The following RNF157 variants were observed in gnomAD, a reference collection of about 807,000 sequenced individuals.
The protein encoded by RNF157 is E3 ubiquitin ligase RNF157.
In RNF157, 55 loss-of-function variants were observed where a neutral mutation model predicts 88.3. The ratio of observed to expected loss-of-function variants is 0.62; its 90% CI spans 0.50 to 0.78. RNF157 has a LOEUF of 0.78. RNF157 is among the 30% of genes least tolerant of loss of function. The pLI, the probability that RNF157 is intolerant of heterozygous loss-of-function variation, is 0.00. For synonymous variants in RNF157, 334 were observed against 341.2 expected, an observed-to-expected ratio of 0.98 and a Z score of 0.23; for missense variants, 788 against 860.8, an observed-to-expected ratio of 0.92 and a Z score of 1.06.
chr17:76,216,964 A>G (rs1474041348), intron 1 of RNF157, among the ~76,000 whole-genome samples: 1 of 152,206 alleles, frequency 6.6e-6, no homozygotes, highest in Non-Finnish European at 1.5e-5. Flanking sequence ...TAAGCTGTAT[A>G]CTTATAACTG....
chr17:76,235,496 C>T (rs1295131521), intron 1 of RNF157, among the ~76,000 whole-genome samples: 1 of 152,166 alleles, frequency 6.6e-6, no homozygotes, highest in East Asian at 1.9e-4. Flanking sequence ...CTGCGCCCAG[C>T]CGTAAATTGC....
intron 2 of RNF157, among the ~76,000 whole-genome samples, chr17:76,196,623 G>A (rs1293724166): frequency 2.0e-5 from 3 of 152,174 alleles, no homozygotes; most frequent in African/African-American, 2.4e-5. Context: ...GTACGGGAGT[G>A]TAGTCATGTG....
intron 4 of RNF157, among the ~76,000 whole-genome samples, chr17:76,167,446 T>C (rs993348722): frequency 2.6e-5 from 4 of 152,204 alleles, no homozygotes; most frequent in African/African-American, 9.6e-5. Context: ...GAAGAAAGTC[T>C]AAATTCAGGA....
At chr17:76,147,321 G>C (rs1015647330) in intron 18 of RNF157, 49 of 986,024 alleles carry the variant, frequency 5.0e-5, no homozygotes, top group Non-Finnish European at 5.5e-5. Flanking sequence ...TGTTCAGTAG[G>C]AAAGACCAAA....
rs774447918 is a variant in RNF157, at chr17:76,167,816, A to T, written c.297-19T>A. 1 of 1,606,710 alleles carries T rather than the reference A, an allele frequency of 6.2e-7. No individual in the cohort carries two copies. The highest frequency in any genetic ancestry group is 8.5e-7 in the Non-Finnish European group (1 of 1,176,828). ...AGCACATCTAGAAAACCAGAGACTCAGCATTTGCAGAGTAGCATATCAATA... is the reference window on the plus strand; with the variant it reads ...AGCACATCTAGAAAACCAGAGACTCTGCATTTGCAGAGTAGCATATCAATA... On this transcript the variant is annotated intron_variant, in intron 3 of 18. Coordinates refer to ENST00000269391, the MANE Select transcript of RNF157 (RefSeq NM_052916.3).
At chr17:76,159,647 T>A in intron 11 of RNF157, 74 bp from the exon 12 acceptor site, 1 of 1,068,946 alleles carries the variant, frequency 9.4e-7, no homozygotes, top group Non-Finnish European at 1.4e-6. Flanking sequence ...GCTACTTCTC[T>A]ACACTGAAAA....
Position 76,154,387 on chromosome 17 carries a change from G to A in RNF157, c.1765-59C>T, listed in dbSNP as rs2068729338. On this transcript the variant is annotated intron_variant, in intron 16 of 18. Coordinates refer to ENST00000269391, the MANE Select transcript of RNF157 (RefSeq NM_052916.3). ...AGCGGCAAAATGAGTAAACTGATTG[G>A]CTGAAGACAGAACTAATCATCCTAC... The A allele has an allele frequency of 2.7e-6, 3 of 1,107,286 alleles. No individual in the cohort carries two copies. In the Admixed American group the frequency reaches 5.1e-5, roughly 19 times the overall value. The allele number at this position is 1,107,286 out of a possible 1,614,324, so 68.6% of individuals were successfully genotyped here. A position where few individuals can be genotyped will look rare whatever the true frequency, so the allele number is the denominator to read the frequency against.
intron 5 of RNF157, 105 bp from the exon 6 acceptor site, chr17:76,166,632 C>T (rs1397496765): frequency 5.4e-6 from 5 of 918,900 alleles, no homozygotes; most frequent in Middle Eastern, 2.1e-4. Context: ...TTAATCTCAT[C>T]TCTGCTCCTC....
At chr17:76,175,720 G>A (rs1336318867) in intron 2 of RNF157, 1 of 975,554 alleles carries the variant, frequency 1.0e-6, no homozygotes, top group Non-Finnish European at 1.2e-6. Context: ...ATTTGTACAG[G>A]TACTTGGGCG....
intron 7 of RNF157, among the ~76,000 whole-genome samples, 157 bp from the exon 8 acceptor site, chr17:76,164,952 T>G (rs762257100): frequency 6.6e-6 from 1 of 152,244 alleles, no homozygotes; most frequent in Non-Finnish European, 1.5e-5. Context: ...CTGAAAATAT[T>G]ACATACAATA....
At chr17:76,151,526 A>G (rs564248474) in intron 18 of RNF157, among the ~76,000 whole-genome samples, 60 of 152,226 alleles carry the variant, frequency 3.9e-4, no homozygotes, top group Non-Finnish European at 7.6e-4. Flanking sequence ...AAACAACACG[A>G]TGTGAAGGAC....
Position 76,229,922 on chromosome 17 carries a change from G to T in RNF157, c.88+10231C>A, listed in dbSNP as rs925916050. Among the ~76,000 whole-genome samples the T allele has an allele frequency of 2.0e-5, 3 of 152,200 alleles. No individual in the cohort carries two copies. The South Asian group carries it at 6.2e-4, about 32-fold the overall frequency. Reference sequence around the variant, plus strand: ...AGGCTGGGGTTGGAGAACTTAAAGAGTCAGTAAAACTTTAAAGTACTGTTT... The same window carrying T: ...AGGCTGGGGTTGGAGAACTTAAAGATTCAGTAAAACTTTAAAGTACTGTTT... On this transcript the variant is annotated intron_variant, in intron 1 of 18. Coordinates refer to ENST00000269391, the MANE Select transcript of RNF157 (RefSeq NM_052916.3).
chr17:76,190,187 G>C (rs186967579), intron 2 of RNF157, among the ~76,000 whole-genome samples: 1 of 103,852 alleles, frequency 9.6e-6, no homozygotes, highest in South Asian at 2.8e-4. Context: ...TTTTTTTTTT[G>C]AAATAGATTC....
intron 2 of RNF157, among the ~76,000 whole-genome samples, chr17:76,182,317 G>T (rs1219795884): frequency 6.6e-6 from 1 of 152,186 alleles, no homozygotes; most frequent in Non-Finnish European, 1.5e-5. Flanking sequence ...GTGCTCATCA[G>T]CTTCCTTTTA....
chr17:76,222,922 G>A (rs945698211), intron 1 of RNF157, among the ~76,000 whole-genome samples: 20 of 150,538 alleles, frequency 1.3e-4, no homozygotes, highest in Non-Finnish European at 1.9e-4. Context: ...ACAGAGTCTC[G>A]CTCTGTTGCC....
At position 76,195,077 on chromosome 17, in the gene RNF157, G is replaced by A. The variant is rs943876126; in HGVS notation, c.207+17287C>T. ...GAGAGGATATTATAATAAAAACTTG[G>A]AAGCTGAAACACACACTGACAAGTG... On this transcript the variant is annotated intron_variant, in intron 2 of 18. Transcript: ENST00000269391. The surrounding 1 kb of genome is among the most constrained non-coding windows in gnomAD (Gnocchi z 4.4). Among the ~76,000 whole-genome samples, 2 of 152,116 alleles carry A rather than the reference G, an allele frequency of 1.3e-5. No homozygotes were observed. The highest frequency in any genetic ancestry group is 4.8e-5 in the African/African-American group (2 of 41,426).
At chr17:76,163,370 T>A (rs1439374716) in intron 8 of RNF157, 1 of 152,106 alleles carries the variant, frequency 6.6e-6, no homozygotes, top group African/African-American at 2.4e-5. Flanking sequence ...ATTTTTGTAT[T>A]TTGTGGTAGA....
chr17:76,152,652 C>T lies in RNF157; in HGVS notation c.1811-187G>A, dbSNP rs543528244. 4.3e-4 allele frequency: 237 copies of T among 546,544 alleles called. 3 individuals are homozygous for T. In the South Asian group the frequency reaches 4.5e-3, roughly 10 times the overall value. 33.9% of individuals were successfully genotyped at this position (546,544 alleles called of 1,614,324 possible). On this transcript the variant is annotated intron_variant, in intron 17 of 18. Coordinates refer to ENST00000269391, the MANE Select transcript of RNF157 (RefSeq NM_052916.3). The stretch of plus-strand genomic sequence containing the variant: ...CGTTGTGTGGGCATGTCTGTGTTCT[C>T]GCGCTTTCCTGCTGTTTCCCTAGAG...
intron 13 of RNF157, among the ~76,000 whole-genome samples, chr17:76,158,067 C>T (rs1363304425): frequency 3.3e-5 from 5 of 152,140 alleles, no homozygotes; most frequent in African/African-American, 1.2e-4. Context: ...TGCTGATCCA[C>T]AGCACCATCA....
Sources: allele counts gnomAD v4.1 joint callset (sites outside exome capture counted in the v4.1 genomes callset), GRCh38; gene constraint gnomAD v4.1.1; non-coding constraint Gnocchi (gnomAD v3.1); transcripts MANE v1.5; gene names NCBI Gene and HGNC (gene_info 2026-07-23, HGNC 2026-07-21).